CSGALNACT1: variants seen among roughly 807,000 people sequenced by gnomAD.
CSGALNACT1 encodes chondroitin sulfate N-acetylgalactosaminyltransferase 1.
CSGALNACT1 carries 52 observed loss-of-function variants against 51.0 expected under a neutral mutation model. The ratio of observed to expected loss-of-function variants is 1.02; its 90% CI spans 0.82 to 1.29. CSGALNACT1 has a LOEUF of 1.29. CSGALNACT1 is among the 50% of genes most tolerant of loss of function. The probability of loss-of-function intolerance (pLI) is 0.00; values close to 1 mark genes in which losing one functional copy is unlikely to be tolerated. For synonymous variants in CSGALNACT1, 341 were observed against 254.4 expected (o/e 1.34, Z -3.24); for missense variants, 935 against 679.2 (o/e 1.38, Z -4.19).
chr8:19,512,273 C>T (rs113714122), intron 3 of CSGALNACT1, among the ~76,000 whole-genome samples: 6 of 152,260 alleles, frequency 3.9e-5, no homozygotes, highest in South Asian at 4.2e-4. Flanking sequence ...GCAGGCCTGC[C>T]GGCAACCCCC....
At chr8:19,601,048 C>T (rs1307029253) in intron 2 of CSGALNACT1, among the ~76,000 whole-genome samples, 1 of 151,986 alleles carries the variant, frequency 6.6e-6, no homozygotes, top group East Asian at 1.9e-4. Context: ...CGCATGTCAA[C>T]ATTAATGATA....
intron 1 of CSGALNACT1, among the ~76,000 whole-genome samples, chr8:19,733,457 G>C (rs1451806213): frequency 1.3e-5 from 2 of 151,934 alleles, no homozygotes; most frequent in Non-Finnish European, 2.9e-5. Context: ...CCCTATGCAG[G>C]ATAACTACCA....
At chr8:19,503,547 C>T (rs375979486) in intron 4 of CSGALNACT1, among the ~76,000 whole-genome samples, 2 of 151,824 alleles carry the variant, frequency 1.3e-5, no homozygotes, top group African/African-American at 2.4e-5. Flanking sequence ...TGTAGCACAC[C>T]CCAGGGAGAG....
chr8:19,574,907 T>A (rs1043557131), intron 3 of CSGALNACT1, among the ~76,000 whole-genome samples: 7 of 151,926 alleles, frequency 4.6e-5, no homozygotes, highest in African/African-American at 1.7e-4. Context: ...TGGTAGCGGG[T>A]ACCTGTAGTC....
chr8:19,632,039 ACTATATTTCAAAGCTACATTTTACACCTT>A (rs1349951888), intron 1 of CSGALNACT1, among the ~76,000 whole-genome samples: 1 of 152,240 alleles, frequency 6.6e-6, no homozygotes, highest in Non-Finnish European at 1.5e-5. Context: ...ATATTTTCTT[ACTATATTTCAAAGCTACATTTTACACCTT>A]CTTGTTTACA....
At chr8:19,637,837 C>A (rs777076232) in intron 1 of CSGALNACT1, among the ~76,000 whole-genome samples, 6 of 107,584 alleles carry the variant, frequency 5.6e-5, no homozygotes, top group Non-Finnish European at 3.8e-5. Flanking sequence ...TCAGCCTGAC[C>A]AGTTTTTTTT....
chr8:19,615,550 A>G (rs1052907305), intron 1 of CSGALNACT1, among the ~76,000 whole-genome samples: 1 of 152,266 alleles, frequency 6.6e-6, no homozygotes, highest in African/African-American at 2.4e-5. Flanking sequence ...AATATAAGCC[A>G]TATAACTAAA....
chr8:19,511,158 C>A (rs2078389190), intron 3 of CSGALNACT1, among the ~76,000 whole-genome samples: 1 of 152,212 alleles, frequency 6.6e-6, no homozygotes, highest in Non-Finnish European at 1.5e-5. Context: ...CTACATGCTA[C>A]AATGACAGGC....
intron 1 of CSGALNACT1, among the ~76,000 whole-genome samples, chr8:19,642,434 C>T (rs759524597): frequency 3.3e-5 from 5 of 152,038 alleles, no homozygotes; most frequent in Non-Finnish European, 7.4e-5. Flanking sequence ...GAAACAGACC[C>T]TAAGCTATAA....
At chr8:19,682,836 C>T (rs1316827744), upstream of CSGALNACT1, 1 of 430,758 alleles carries the variant, frequency 2.3e-6, no homozygotes, top group East Asian at 7.1e-5. Flanking sequence ...GTTCTGCAAT[C>T]AGGGCCAGGA....
chr8:19,428,039 C>G (rs757150338), intron 6 of CSGALNACT1, among the ~76,000 whole-genome samples: 15 of 152,136 alleles, frequency 9.9e-5, no homozygotes, highest in Non-Finnish European at 1.9e-4. Flanking sequence ...ATCCTTCCTC[C>G]TTCTCCTCTG....
chr8:19,457,463 A>G (rs74609350), intron 5 of CSGALNACT1: 5,611 of 370,420 alleles, frequency 0.015, 208 homozygotes, highest in East Asian at 0.13. Flanking sequence ...AAATGCAAAA[A>G]TTAGCCGGGC....
At chr8:19,514,478 T>TAC in intron 3 of CSGALNACT1, among the ~76,000 whole-genome samples, 1 of 59,426 alleles carries the variant, frequency 1.7e-5, no homozygotes, top group Non-Finnish European at 3.5e-5. Flanking sequence ...ACAGAGACTA[T>TAC]ATATATATAT....
chr8:19,726,709 T>C (rs2063420696), intron 1 of CSGALNACT1, among the ~76,000 whole-genome samples: 1 of 152,166 alleles, frequency 6.6e-6, no homozygotes, highest in Non-Finnish European at 1.5e-5. Flanking sequence ...TAATACTGAC[T>C]ATGAAAAAAA....
intron 1 of CSGALNACT1, among the ~76,000 whole-genome samples, chr8:19,693,023 C>T (rs1243081927): frequency 1.3e-5 from 2 of 152,224 alleles, no homozygotes; most frequent in Non-Finnish European, 1.5e-5. Context: ...CCCATCAGCA[C>T]ACCTGCCAGG....
chr8:19,664,419 C>T (rs530875457), intron 1 of CSGALNACT1, among the ~76,000 whole-genome samples: 1 of 152,250 alleles, frequency 6.6e-6, no homozygotes, highest in Admixed American at 6.5e-5. Context: ...TCAAGGAAGA[C>T]AGTATGGAGA....
chr8:19,525,646 A>AAAAAAAAAAAAAC (rs2081526452), intron 3 of CSGALNACT1, among the ~76,000 whole-genome samples: 1 of 149,768 alleles, frequency 6.7e-6, no homozygotes, highest in Non-Finnish European at 1.5e-5. Flanking sequence ...AAAAAAAAAA[A>AAAAAAAAAAAAAC]AAAGTAGAGC....
At chr8:19,592,402 T>C (rs910436415) in intron 2 of CSGALNACT1, among the ~76,000 whole-genome samples, 2 of 152,226 alleles carry the variant, frequency 1.3e-5, no homozygotes, top group Admixed American at 6.5e-5. Context: ...ATAGTATATA[T>C]ATTTATTTAT....
At chr8:19,694,992 G>A (rs1044208569) in intron 1 of CSGALNACT1, among the ~76,000 whole-genome samples, 5 of 152,110 alleles carry the variant, frequency 3.3e-5, no homozygotes, top group Non-Finnish European at 5.9e-5. Context: ...AGATGCTGAG[G>A]GGTCATGAGG....
Sources: allele counts gnomAD v4.1 joint callset (sites outside exome capture counted in the v4.1 genomes callset), GRCh38; gene constraint gnomAD v4.1.1; transcripts MANE v1.5; gene names NCBI Gene and HGNC (gene_info 2026-07-23, HGNC 2026-07-21).